Variants in WWOX observed in about 807,000 individuals in gnomAD.
WWOX encodes the protein WW domain containing oxidoreductase, also known as WW domain-containing oxidoreductase.
In WWOX, 69 loss-of-function variants were observed where a neutral mutation model predicts 46.2. That is an observed-to-expected ratio of 1.49 (90% CI 1.23 to 1.82). The LOEUF is 1.82. Ranked by LOEUF, WWOX falls within the 40% of genes most tolerant of loss-of-function variation. The pLI, the probability that WWOX is intolerant of heterozygous loss-of-function variation, is 0.00. For synonymous variants in WWOX, 359 were observed against 202.6 expected (o/e 1.77, Z -6.56); for missense variants, 919 against 542.6 (o/e 1.69, Z -6.89).
In WWOX at chr16:78,970,338, A is replaced by G. The variant is rs773119371; in HGVS notation, c.1057-241270A>G. ...TGTAAACTCCATTTGGACTTTCTCT[A>G]GTTCACTGTGAATGGTTTTTGAATA... On this transcript the variant is annotated intron_variant, in intron 8 of 8. Transcript: ENST00000566780. Among the ~76,000 whole-genome samples the G allele has an allele frequency of 7.9e-5, 12 of 152,126 alleles. No homozygotes were observed. The East Asian group carries it at 1.9e-3, about 24-fold the overall frequency.
chr16:78,826,746 C>G (rs2051668499), intron 8 of WWOX, among the ~76,000 whole-genome samples: 1 of 152,120 alleles, frequency 6.6e-6, no homozygotes, highest in South Asian at 2.1e-4. Flanking sequence ...TTTTTGGAGG[C>G]CACCATTCAA....
intron 8 of WWOX, among the ~76,000 whole-genome samples, chr16:78,946,445 C>A (rs1225547815): frequency 6.6e-6 from 1 of 152,130 alleles, no homozygotes; most frequent in Non-Finnish European, 1.5e-5. Flanking sequence ...CTCACGTCGG[C>A]CTCCCAGAGT....
At chr16:78,396,402 A>T (rs2082288225) in intron 6 of WWOX, among the ~76,000 whole-genome samples, 1 of 152,232 alleles carries the variant, frequency 6.6e-6, no homozygotes, top group East Asian at 1.9e-4. Context: ...AATGTTCACA[A>T]AATAAACATT....
rs532900742 is a variant in WWOX, at chr16:78,330,516, C to T, written c.517-56344C>T. Among the ~76,000 whole-genome samples, 120 of 152,258 alleles carry T rather than the reference C, an allele frequency of 7.9e-4. 1 individual carries two copies. The highest frequency in any genetic ancestry group is 6.8e-3 in the Middle Eastern group (2 of 292). ...GGTTCAAGCAATTCTCCTGCCTCAG[C>T]CTCCCGAGTAGGTGAGACTACAGGC... On this transcript the variant is annotated intron_variant, in intron 5 of 8. Transcript: ENST00000566780.
At chr16:78,357,032 A>G (rs1284430614) in intron 5 of WWOX, among the ~76,000 whole-genome samples, 1 of 152,168 alleles carries the variant, frequency 6.6e-6, no homozygotes, top group Admixed American at 6.6e-5. Flanking sequence ...GCTGACATCC[A>G]TTTATCAAGA....
chr16:78,666,037 C>A (rs1299886530), intron 8 of WWOX, among the ~76,000 whole-genome samples: 1 of 151,894 alleles, frequency 6.6e-6, no homozygotes, highest in Non-Finnish European at 1.5e-5. Context: ...GTAATCCCAA[C>A]ACTCTGGGAG....
At chr16:78,982,568 A>T (rs754469201) in intron 8 of WWOX, among the ~76,000 whole-genome samples, 25 of 152,228 alleles carry the variant, frequency 1.6e-4, no homozygotes, top group Non-Finnish European at 3.2e-4. Context: ...GTTATCAATT[A>T]CATGGTTAGC....
intron 8 of WWOX, among the ~76,000 whole-genome samples, chr16:78,991,034 T>C (rs1034286537): frequency 6.6e-6 from 1 of 152,200 alleles, no homozygotes; most frequent in Non-Finnish European, 1.5e-5. Flanking sequence ...TAAAGTGCCT[T>C]TGAACAGAGC....
chr16:78,352,931 A>G (rs1008170337), intron 5 of WWOX, among the ~76,000 whole-genome samples: 2 of 152,188 alleles, frequency 1.3e-5, no homozygotes, highest in Non-Finnish European at 2.9e-5. Context: ...ACTAGCTTAT[A>G]GTTTATTTTA....
At chr16:78,527,357 G>A (rs1181509839) in intron 8 of WWOX, among the ~76,000 whole-genome samples, 1 of 144,934 alleles carries the variant, frequency 6.9e-6, no homozygotes, top group Non-Finnish European at 1.5e-5. Flanking sequence ...GCAGTGGTAT[G>A]ATCTCAGCTC....
intron 5 of WWOX, among the ~76,000 whole-genome samples, chr16:78,236,039 G>A (rs572385844): frequency 3.3e-4 from 50 of 152,306 alleles, no homozygotes; most frequent in Non-Finnish European, 5.9e-5. Flanking sequence ...ATATATAAAT[G>A]GACGGATGTG....
intron 8 of WWOX, among the ~76,000 whole-genome samples, chr16:79,208,642 A>T (rs895101468): frequency 5.8e-5 from 7 of 120,542 alleles, no homozygotes; most frequent in Admixed American, 7.8e-5. Context: ...TTTTTTTTTT[A>T]ATCAGTTTAA....
intron 8 of WWOX, among the ~76,000 whole-genome samples, chr16:78,598,168 C>T (rs1291603758): frequency 1.3e-5 from 2 of 152,122 alleles, no homozygotes; most frequent in African/African-American, 2.4e-5. Flanking sequence ...ATAGGAGGAA[C>T]TGATTTTCAA....
chr16:78,662,327 T>C (rs948673125), intron 8 of WWOX, among the ~76,000 whole-genome samples: 4 of 152,214 alleles, frequency 2.6e-5, no homozygotes, highest in African/African-American at 9.6e-5. Context: ...CAGCATTTCA[T>C]CTGCATATAC....
chr16:78,352,320 C>CACACAAA (rs1304448383), intron 5 of WWOX, among the ~76,000 whole-genome samples: 1 of 152,174 alleles, frequency 6.6e-6, no homozygotes, highest in African/African-American at 2.4e-5. Flanking sequence ...ACAAAAGTTA[C>CACACAAA]ACTTTACAGT....
intron 8 of WWOX, among the ~76,000 whole-genome samples, chr16:78,533,893 G>A (rs868152027): frequency 1.3e-5 from 2 of 152,138 alleles, no homozygotes; most frequent in African/African-American, 4.8e-5. Context: ...GGATGGATGT[G>A]TGTCCATCTT....
chr16:78,906,352 G>T (rs887695142), intron 8 of WWOX, among the ~76,000 whole-genome samples: 1 of 152,144 alleles, frequency 6.6e-6, no homozygotes, highest in East Asian at 1.9e-4. Context: ...AGCCCGGCTG[G>T]AAGTGCTCTT....
At chr16:78,111,929 A>G (rs148232759) in intron 3 of WWOX, 2,831 of 156,186 alleles carry the variant, frequency 0.018, 99 homozygotes, top group African/African-American at 0.064. Context: ...CTTGTCAATC[A>G]CTTAGAAGAT....
chr16:78,497,186 A>G (rs574832890), intron 8 of WWOX, among the ~76,000 whole-genome samples: 1 of 152,288 alleles, frequency 6.6e-6, no homozygotes, highest in African/African-American at 2.4e-5. Flanking sequence ...ACTCAATAGC[A>G]TATGCACATG....
Sources: allele counts gnomAD v4.1 joint callset (sites outside exome capture counted in the v4.1 genomes callset), GRCh38; gene constraint gnomAD v4.1.1; transcripts MANE v1.5; gene names NCBI Gene and HGNC (gene_info 2026-07-23, HGNC 2026-07-21).